Variants in RESF1 observed in about 807,000 individuals in gnomAD.
The protein encoded by RESF1 is retroelement silencing factor 1, also known as gonad expressed transcript.
RESF1 carries 65 observed loss-of-function variants against 134.7 expected under a neutral mutation model. The ratio of observed to expected loss-of-function variants is 0.48; its 90% CI spans 0.40 to 0.59. RESF1 has a LOEUF of 0.59. Among genes scored for constraint, RESF1 ranks in the 20% least tolerant of loss-of-function variants. The pLI is 0.00. For missense variants in RESF1, 2,274 were observed against 2,002.7 expected, an observed-to-expected ratio of 1.14 and a Z score of -2.59; for synonymous variants, 762 against 702.2, an observed-to-expected ratio of 1.09 and a Z score of -1.35.
At chr12:31,972,421 A>G (rs531987342) in intron 3 of RESF1, among the ~76,000 whole-genome samples, 67 of 151,994 alleles carry the variant, frequency 4.4e-4, no homozygotes, top group African/African-American at 1.4e-3. Context: ...CCTGGCTAAC[A>G]TGGTGAAACC....
At chr12:31,991,602 A>G (rs187715807) in intron 5 of RESF1, among the ~76,000 whole-genome samples, 124 of 150,614 alleles carry the variant, frequency 8.2e-4, no homozygotes, top group African/African-American at 2.9e-3. Context: ...TCGCATACCC[A>G]TACAGCAATT....
At chr12:31,970,799 A>G (rs1939489134) in intron 3 of RESF1, among the ~76,000 whole-genome samples, 1 of 152,220 alleles carries the variant, frequency 6.6e-6, no homozygotes, top group Admixed American at 6.5e-5. Flanking sequence ...TCAGTAGCCA[A>G]TGATTATAAC....
chr12:31,966,850 C>T (rs1308876607), intron 2 of RESF1, among the ~76,000 whole-genome samples: 1 of 152,154 alleles, frequency 6.6e-6, no homozygotes, highest in Non-Finnish European at 1.5e-5. Flanking sequence ...GAGTTTGTAG[C>T]TGGATACATG....
intron 2 of RESF1, among the ~76,000 whole-genome samples, chr12:31,965,763 T>C (rs1256073114): frequency 6.6e-6 from 1 of 152,046 alleles, no homozygotes; most frequent in Non-Finnish European, 1.5e-5. Flanking sequence ...TGGTGGCGTG[T>C]GCCTGAAATC....
At chr12:31,964,034 G>A (rs1017677745) in intron 2 of RESF1, among the ~76,000 whole-genome samples, 1 of 151,986 alleles carries the variant, frequency 6.6e-6, no homozygotes, top group Non-Finnish European at 1.5e-5. Context: ...ATTTCTTTTG[G>A]GTAAATACCT....
chr12:31,977,190 G>GT (rs36009923), intron 3 of RESF1, among the ~76,000 whole-genome samples: 1 of 151,938 alleles, frequency 6.6e-6, no homozygotes, highest in Non-Finnish European at 1.5e-5. Context: ...ATATTCTCAT[G>GT]TTTTTTTGAG....
chr12:31,992,647 T>C lies in RESF1; in HGVS notation c.*112T>C, dbSNP rs750910356. On this transcript the variant is annotated 3_prime_UTR_variant, in exon 6 of 6. Coordinates refer to ENST00000312561, the MANE Select transcript of RESF1 (RefSeq NM_018169.4). Reference sequence around the variant, plus strand: ...ATGATAAAGATTTCTCAGAGTTTGGTTCCCACTTTCATTGTATTTCATTGA... The same window carrying C: ...ATGATAAAGATTTCTCAGAGTTTGGCTCCCACTTTCATTGTATTTCATTGA... The C allele has an allele frequency of 3.5e-6, 4 of 1,130,742 alleles. No homozygotes were observed. The highest frequency in any genetic ancestry group is 5.2e-6 in the Non-Finnish European group (4 of 766,248). 70.0% of individuals were successfully genotyped at this position (1,130,742 alleles called of 1,614,324 possible).
Position 31,968,330 on chromosome 12 carries a change from CTT to C in RESF1, c.-246-1856_-246-1855del, listed in dbSNP as rs372423837. Among the ~76,000 whole-genome samples, 536 of 152,186 alleles carry C rather than the reference CTT, an allele frequency of 3.5e-3. 3 individuals carry two copies. The highest frequency in any genetic ancestry group is 0.012 in the African/African-American group (518 of 41,536). On this transcript the variant is annotated intron_variant, in intron 2 of 5. Transcript: ENST00000312561. Reference sequence around the variant, plus strand: ...ATTATTTATTTCTTAAGTCCTACGTCTTTTAGGTACTGAAATGCTTACAGATG... The same window carrying C: ...ATTATTTATTTCTTAAGTCCTACGTCTTAGGTACTGAAATGCTTACAGATG...
rs1297304031 is a variant in RESF1 at position 31,981,955 on chromosome 12, A to G, written c.1000A>G (p.Ile334Val). The G allele has an allele frequency of 1.5e-5, 24 of 1,614,074 alleles. No homozygotes were observed. The highest frequency in any genetic ancestry group is 2.2e-5 in the East Asian group (1 of 44,896). Residue 334 changes from isoleucine to valine, a missense_variant, in exon 4 of 6, where the codon ATT becomes GTT. Ile to Val is a conservative substitution (Grantham distance 29). Transcript: ENST00000312561. Reference sequence around the variant, plus strand: ...AAACCCTAATGAAAATGTCAGCACAATTGGAAATTTCACTAACTTGAAAGT... The same window carrying G: ...AAACCCTAATGAAAATGTCAGCACAGTTGGAAATTTCACTAACTTGAAAGT... ...WQNPNENVST[I>V]GNFTNLKVNT...
At chr12:31,991,118 G>C (rs1379796786) in intron 5 of RESF1, among the ~76,000 whole-genome samples, 1 of 151,538 alleles carries the variant, frequency 6.6e-6, no homozygotes, top group Non-Finnish European at 1.5e-5. Flanking sequence ...AGGATCACCT[G>C]AGCCCAGGAG....
rs1939793287 is a variant in RESF1, at chr12:31,981,579, C to T, written c.624C>T (p.Tyr208=). Residue 208 remains tyrosine, a synonymous_variant, in exon 4 of 6, where the codon TAC becomes TAT. Transcript: ENST00000312561. The stretch of plus-strand genomic sequence containing the variant: ...AGTGTATATCTAAGGGACTGACTTA[C>T]CCAGATTACAGACCACCTCCAAAGC... ...TQQCISKGLT[Y]PDYRPPPKLY... is the part of the protein sequence containing the mutation. 6.2e-7 allele frequency: 1 copy of T among 1,614,030 alleles called. No individual in the cohort carries two copies. The highest frequency in any genetic ancestry group is 1.7e-5 in the Admixed American group (1 of 59,984).
chr12:31,991,704 C>G (rs558781478), intron 5 of RESF1, among the ~76,000 whole-genome samples: 1 of 152,314 alleles, frequency 6.6e-6, no homozygotes, highest in African/African-American at 2.4e-5. Context: ...TCACTGCAAC[C>G]TCTGCCCAGC....
At position 31,984,138 on chromosome 12, in the gene RESF1, GT is replaced by G; in HGVS notation, c.3186del (p.Pro1063LeufsTer7). 6.2e-7 allele frequency: 1 copy of G among 1,612,700 alleles called. No homozygotes were observed. Among genetic ancestry groups the G allele is most frequent in the Non-Finnish European group, 8.5e-7 (1 of 1,179,616 alleles). On this transcript the variant is annotated frameshift_variant, in exon 4 of 6. Transcript: ENST00000312561. LOFTEE classifies it high-confidence loss of function. ...ACCAGCTGTCAGAACTTCTAAAAGAGTTTCCTTATGGCATTGAGGCTGTGAA... is the reference window on the plus strand; with the variant it reads ...ACCAGCTGTCAGAACTTCTAAAAGAGTTCCTTATGGCATTGAGGCTGTGAA... ...HDQLSELLKE[F>X]PYGIEAVNTR...
Position 31,962,180 on chromosome 12 carries a change from C to T in RESF1, c.-247+1309C>T, listed in dbSNP as rs566622936. 4.4e-4 allele frequency among the ~76,000 whole-genome samples: 66 copies of T among 148,756 alleles called. No homozygotes were observed. The South Asian group carries it at 6.6e-3, about 15-fold the overall frequency. On this transcript the variant is annotated intron_variant, in intron 2 of 5. Transcript: ENST00000312561. ...TTGCAGTGACCTGAAGTCACCCCAT[C>T]GTACTGCAGCCTGGGTAACAGAGCA...
intron 2 of RESF1, among the ~76,000 whole-genome samples, chr12:31,967,170 G>A (rs1939416234): frequency 6.6e-6 from 1 of 152,120 alleles, no homozygotes. Context: ...GTGTCATCCC[G>A]TGGGGCTGGG....
chr12:31,972,073 C>T lies in RESF1; in HGVS notation c.-79+1717C>T, dbSNP rs113814678. Among the ~76,000 whole-genome samples the T allele has an allele frequency of 7.9e-4, 121 of 152,206 alleles. No individual in the cohort carries two copies. The East Asian group carries it at 0.022, about 28-fold the overall frequency. On this transcript the variant is annotated intron_variant, in intron 3 of 5. Coordinates refer to ENST00000312561, the MANE Select transcript of RESF1 (RefSeq NM_018169.4). ...GCAGGTGGAGGTTCCTAGAGGGTGGCGTACCCAGGGAGGGCATGGAAATGC... is the reference window on the plus strand; with the variant it reads ...GCAGGTGGAGGTTCCTAGAGGGTGGTGTACCCAGGGAGGGCATGGAAATGC...
At position 31,981,783 on chromosome 12, in the gene RESF1, ACCTCCT is replaced by A. The variant is rs550353898; in HGVS notation, c.838_843del (p.Pro280_Pro281del). The stretch of plus-strand genomic sequence containing the variant: ...AGTATGCCACGCAAACTGACAAAAG[ACCTCCT>A]CCTCCTCCTTACAACTGTAGATATG... On this transcript the variant is annotated inframe_deletion, in exon 4 of 6. Coordinates refer to ENST00000312561, the MANE Select transcript of RESF1 (RefSeq NM_018169.4). 5 of 1,613,516 alleles carry A rather than the reference ACCTCCT, an allele frequency of 3.1e-6. No individual in the cohort carries two copies. The highest frequency in any genetic ancestry group is 1.3e-5 in the African/African-American group (1 of 74,830).
rs373427568 is a variant in RESF1 at position 31,981,114 on chromosome 12, C to T, written c.159C>T (p.Pro53=). The T allele has an allele frequency of 9.9e-5, 160 of 1,614,136 alleles. No individual in the cohort carries two copies. Among genetic ancestry groups the T allele is most frequent in the African/African-American group, 1.5e-4 (11 of 75,024 alleles). The change falls in exon 4 of 6, where the codon CCC becomes CCT. Residue 53 remains proline (P), a synonymous_variant. Transcript: ENST00000312561. ...PGSNQEACMY[P]GNSNPISQPL... is the part of the protein sequence containing the mutation. ...GTAACCAAGAAGCATGCATGTATCC[C>T]GGTAATTCAAATCCAATTTCACAGC...
In RESF1 at chr12:31,981,195, T is replaced by C; in HGVS notation, c.240T>C (p.Asn80=). 1 of 1,614,130 alleles carries C rather than the reference T, an allele frequency of 6.2e-7. No individual in the cohort carries two copies. Among genetic ancestry groups the C allele is most frequent in the Non-Finnish European group, 8.5e-7 (1 of 1,179,998 alleles). Residue 80 remains asparagine, a synonymous_variant, in exon 4 of 6, where the codon AAT becomes AAC. Coordinates refer to ENST00000312561, the MANE Select transcript of RESF1 (RefSeq NM_018169.4). The part of the protein sequence containing the change: ...PQQISVSDMH[N]GTVVASHTSV... Reference sequence around the variant, plus strand: ...AAATTTCTGTTTCTGATATGCATAATGGGACAGTTGTGGCCTCACACACTT... The same window carrying C: ...AAATTTCTGTTTCTGATATGCATAACGGGACAGTTGTGGCCTCACACACTT...
Sources: gnomAD v4.1 joint callset for allele counts (sites outside exome capture counted in the v4.1 genomes callset) on GRCh38, gnomAD v4.1.1 for gene constraint, MANE v1.5 for transcripts, NCBI Gene and HGNC (gene_info 2026-07-23, HGNC 2026-07-21) for gene names.